The following SLC38A12 variants were observed in gnomAD, a reference collection of about 807,000 sequenced individuals.
SLC38A12 encodes the protein putative sodium-coupled neutral amino acid transporter 12.
chr17:74,795,637 G>A, the SLC38A12 span: 1 of 1,612,276 alleles, frequency 6.2e-7, no homozygotes, highest in Non-Finnish European at 8.5e-7. Context: ...TACTTGGTGA[G>A]TGTCTGTGCC....
chr17:74,795,697 T>G, the SLC38A12 span: 13 of 1,266,402 alleles, frequency 1.0e-5, no homozygotes, highest in African/African-American at 1.9e-4. Flanking sequence ...GCATTTGAAG[T>G]GCCTTTACTT....
the SLC38A12 span, among the ~76,000 whole-genome samples, chr17:74,835,237 T>C: frequency 6.6e-6 from 1 of 152,198 alleles, no homozygotes; most frequent in East Asian, 1.9e-4. Flanking sequence ...CCAGCCTCGG[T>C]GTCAGCAGCT....
the SLC38A12 span, chr17:74,785,359 C>G: frequency 7.2e-7 from 1 of 1,395,622 alleles, no homozygotes; most frequent in Non-Finnish European, 9.8e-7. Flanking sequence ...TGCCTCCTTC[C>G]CTGTCTACAG....
At chr17:74,791,060 G>T in the SLC38A12 span, 1 of 1,607,436 alleles carries the variant, frequency 6.2e-7, no homozygotes. Flanking sequence ...TGGGGGTGGG[G>T]TGTGGGGAAA....
At chr17:74,801,320 G>C in the SLC38A12 span, among the ~76,000 whole-genome samples, 4 of 152,240 alleles carry the variant, frequency 2.6e-5, no homozygotes, top group African/African-American at 9.6e-5. Context: ...GGCACCGCAG[G>C]TGCACTGCGT....
chr17:74,835,526 G>A, the SLC38A12 span, among the ~76,000 whole-genome samples: 6 of 152,178 alleles, frequency 3.9e-5, no homozygotes, highest in African/African-American at 1.4e-4. Context: ...TCCTGACCCA[G>A]CCTGCTCCCT....
At chr17:74,795,144 A>G in the SLC38A12 span, 233 of 1,578,636 alleles carry the variant, frequency 1.5e-4, no homozygotes, top group Non-Finnish European at 1.9e-4. Context: ...GGTTGGCGGT[A>G]GCCAAAGGGG....
At chr17:74,835,458 AC>A in the SLC38A12 span, among the ~76,000 whole-genome samples, 4 of 151,676 alleles carry the variant, frequency 2.6e-5, no homozygotes, top group Admixed American at 2.0e-4. Context: ...TTCTTCGTCT[AC>A]CCCCCAGCAC....
the SLC38A12 span, among the ~76,000 whole-genome samples, chr17:74,835,180 A>C: frequency 6.6e-6 from 1 of 152,142 alleles, no homozygotes; most frequent in Non-Finnish European, 1.5e-5. Context: ...CCTGTCCCCT[A>C]GCTGTGCTGC....
the SLC38A12 span, among the ~76,000 whole-genome samples, chr17:74,793,274 C>T: frequency 1.3e-5 from 2 of 152,136 alleles, no homozygotes; most frequent in South Asian, 2.1e-4. Context: ...CATCCCTAGC[C>T]TCTGCCTGCT....
the SLC38A12 span, among the ~76,000 whole-genome samples, chr17:74,784,290 A>C: frequency 6.6e-6 from 1 of 152,210 alleles, no homozygotes; most frequent in Admixed American, 6.5e-5. Flanking sequence ...CAGGAAGACC[A>C]GTTAGGAGTC....
the SLC38A12 span, chr17:74,785,775 G>T: frequency 3.5e-6 from 3 of 854,632 alleles, no homozygotes; most frequent in Admixed American, 9.2e-5. Context: ...GGTCACAGAG[G>T]CCTCCTGGTG....
the SLC38A12 span, among the ~76,000 whole-genome samples, chr17:74,814,487 C>T: frequency 6.6e-6 from 1 of 152,222 alleles, no homozygotes; most frequent in African/African-American, 2.4e-5. Flanking sequence ...TGGGTAAACT[C>T]AGAGCCATGC....
At chr17:74,833,757 A>G in the SLC38A12 span, among the ~76,000 whole-genome samples, 1 of 152,174 alleles carries the variant, frequency 6.6e-6, no homozygotes, top group Non-Finnish European at 1.5e-5. Context: ...AGTTCATGCC[A>G]GCCTTGGGCA....
At chr17:74,832,865 G>A in the SLC38A12 span, among the ~76,000 whole-genome samples, 1 of 152,248 alleles carries the variant, frequency 6.6e-6, no homozygotes, top group Admixed American at 6.5e-5. Flanking sequence ...GCCCACGAAG[G>A]TAGACTTGGT....
chr17:74,788,605 A>G, the SLC38A12 span, among the ~76,000 whole-genome samples: 1 of 152,230 alleles, frequency 6.6e-6, no homozygotes, highest in East Asian at 1.9e-4. Context: ...CGTTCTCACT[A>G]TAGACAGCAA....
chr17:74,800,304 T>C, the SLC38A12 span, among the ~76,000 whole-genome samples: 1 of 152,242 alleles, frequency 6.6e-6, no homozygotes, highest in Admixed American at 6.5e-5. Flanking sequence ...TGAGCGCCTT[T>C]GCACGTCTGC....
the SLC38A12 span, among the ~76,000 whole-genome samples, chr17:74,800,150 CAA>C: frequency 3.0e-4 from 46 of 152,326 alleles, no homozygotes; most frequent in African/African-American, 1.1e-3. Context: ...TCCACTTGCC[CAA>C]GACTCAGTTC....
chr17:74,828,111 G>A, the SLC38A12 span, among the ~76,000 whole-genome samples: 2 of 152,298 alleles, frequency 1.3e-5, no homozygotes, highest in East Asian at 1.9e-4. Context: ...GGAAAAGAGA[G>A]TGCCGCTCCC....
Sources: allele counts gnomAD v4.1 joint callset (sites outside exome capture counted in the v4.1 genomes callset), GRCh38; gene constraint gnomAD v4.1.1; transcripts MANE v1.5; gene names NCBI Gene and HGNC (gene_info 2026-07-23, HGNC 2026-07-21).